The following SLIT3 variants were observed in gnomAD, a reference collection of about 807,000 sequenced individuals.
The protein encoded by SLIT3 is slit guidance ligand 3.
Under a neutral mutation model 184.0 loss-of-function variants are expected in SLIT3, and 68 were observed. The observed-to-expected ratio is 0.37, with a 90% CI of 0.30 to 0.45. SLIT3 has a LOEUF of 0.45. SLIT3 is among the 20% of genes least tolerant of loss of function. SLIT3 has a pLI of 1.00. For missense variants in SLIT3, 1,707 were observed against 2,026.0 expected (o/e 0.84, Z 3.02); for synonymous variants, 831 against 828.6 (o/e 1.00, Z -0.05).
chr5:169,009,484 A>T (rs1756058320), intron 4 of SLIT3, among the ~76,000 whole-genome samples: 1 of 152,232 alleles, frequency 6.6e-6, no homozygotes, highest in East Asian at 1.9e-4. Context: ...AACTGTCTGC[A>T]CCAGGCCCCC....
At chr5:169,069,137 G>A (rs768295487) in intron 4 of SLIT3, among the ~76,000 whole-genome samples, 6 of 152,174 alleles carry the variant, frequency 3.9e-5, no homozygotes, top group Non-Finnish European at 7.3e-5. Context: ...CCTTAGAGGT[G>A]ATAACAATGA....
intron 14 of SLIT3, among the ~76,000 whole-genome samples, chr5:168,769,818 C>G (rs572615446): frequency 2.6e-5 from 4 of 152,272 alleles, no homozygotes; most frequent in African/African-American, 9.6e-5. Flanking sequence ...CACAGTATGT[C>G]AGAAGTCCTG....
At chr5:169,257,066 A>C (rs750483142) in intron 1 of SLIT3, among the ~76,000 whole-genome samples, 4 of 152,114 alleles carry the variant, frequency 2.6e-5, no homozygotes, top group Non-Finnish European at 4.4e-5. Flanking sequence ...TATGAATGAT[A>C]ATCGTGGACA....
In SLIT3 at chr5:168,685,700, T is replaced by C; in HGVS notation, c.3542A>G (p.Asn1181Ser). ...LASAKVRPQANISLQVATDKD... is the reference protein window; with the variant it reads ...LASAKVRPQASISLQVATDKD... ...GGCGGGACACACCTGCAGGGAGATG[T>C]TGGCCTGGGGTCGGACCTTGGCGGA... The change falls in exon 31 of 36, where the codon AAC becomes AGC. Residue 1181 changes from asparagine (N) to serine (S), a missense_variant. Physicochemically the swap from Asn to Ser is conservative, Grantham distance 46 (BLOSUM62 1). Around this residue, in one of 3 missense-constraint regions of SLIT3, gnomAD observed 387 missense variants for 477.9 expected, o/e 0.81. Coordinates refer to ENST00000519560, the MANE Select transcript of SLIT3 (RefSeq NM_003062.4). 2 of 1,559,318 alleles carry C rather than the reference T, an allele frequency of 1.3e-6. No individual in the cohort carries two copies. Among genetic ancestry groups the C allele is most frequent in the Non-Finnish European group, 1.7e-6 (2 of 1,148,044 alleles).
chr5:169,156,460 C>T (rs1479078393), intron 4 of SLIT3, among the ~76,000 whole-genome samples: 3 of 152,328 alleles, frequency 2.0e-5, no homozygotes, highest in East Asian at 1.9e-4. Context: ...TCCTCGTGTT[C>T]GAGAAGCCTG....
chr5:168,831,443 C>T (rs919248749), intron 6 of SLIT3, among the ~76,000 whole-genome samples: 9 of 152,264 alleles, frequency 5.9e-5, no homozygotes, highest in South Asian at 2.1e-4. Context: ...TAAATTAAAG[C>T]TCATAACCAT....
chr5:168,961,219 C>T (rs1028541339), intron 4 of SLIT3, among the ~76,000 whole-genome samples: 1 of 152,136 alleles, frequency 6.6e-6, no homozygotes, highest in Non-Finnish European at 1.5e-5. Flanking sequence ...GGTAACAGGA[C>T]ATAATTACTA....
chr5:169,214,741 G>A (rs1270651253), intron 3 of SLIT3, among the ~76,000 whole-genome samples: 1 of 152,184 alleles, frequency 6.6e-6, no homozygotes, highest in East Asian at 1.9e-4. Flanking sequence ...CCAAAGGCAT[G>A]TTCACCATGG....
intron 4 of SLIT3, among the ~76,000 whole-genome samples, chr5:168,963,191 T>C (rs1297374227): frequency 2.0e-5 from 3 of 152,224 alleles, no homozygotes; most frequent in African/African-American, 4.8e-5. Context: ...CTTTTCGAAA[T>C]GGAGTCTCAC....
intron 16 of SLIT3, among the ~76,000 whole-genome samples, chr5:168,759,125 GA>G (rs1435437515): frequency 5.9e-5 from 9 of 152,114 alleles, no homozygotes; most frequent in Non-Finnish European, 1.2e-4. Context: ...TCTGGAATCT[GA>G]AACACTCCTG....
intron 16 of SLIT3, among the ~76,000 whole-genome samples, chr5:168,756,333 G>A (rs1308141636): frequency 2.0e-5 from 3 of 152,188 alleles, no homozygotes; most frequent in Admixed American, 2.0e-4. Flanking sequence ...ACAGAATTGG[G>A]GACTCAATGC....
At chr5:169,009,561 C>T (rs753016370) in intron 4 of SLIT3, among the ~76,000 whole-genome samples, 15 of 152,194 alleles carry the variant, frequency 9.9e-5, no homozygotes, top group Non-Finnish European at 1.8e-4. Flanking sequence ...TTTGGTCTGT[C>T]GTTATCACTG....
chr5:168,697,216 G>A (rs1187269675), intron 27 of SLIT3, among the ~76,000 whole-genome samples: 1 of 152,190 alleles, frequency 6.6e-6, no homozygotes, highest in Non-Finnish European at 1.5e-5. Context: ...AGAGTGGGAG[G>A]ATCCCTCGCC....
At chr5:168,712,154 T>C in intron 24 of SLIT3, 129 bp downstream of exon 24, 5 of 773,134 alleles carry the variant, frequency 6.5e-6, no homozygotes, top group East Asian at 2.5e-5. Context: ...TGTGGATACA[T>C]AGTTGTATAA....
At chr5:169,223,358 C>A (rs1461988830) in intron 3 of SLIT3, among the ~76,000 whole-genome samples, 1 of 152,206 alleles carries the variant, frequency 6.6e-6, no homozygotes, top group Admixed American at 6.5e-5. Context: ...GGGACCTTTC[C>A]TTTTGCTGGC....
intron 9 of SLIT3, among the ~76,000 whole-genome samples, chr5:168,804,397 G>A (rs895229647): frequency 1.3e-5 from 2 of 150,046 alleles, no homozygotes; most frequent in African/African-American, 4.9e-5. Context: ...TAGGAGGAAT[G>A]ATGGAAGGAG....
Position 168,950,416 on chromosome 5 carries a change from G to T in SLIT3, c.414-67080C>A, listed in dbSNP as rs116822975. Among the ~76,000 whole-genome samples, 668 of 152,322 alleles carry T rather than the reference G, an allele frequency of 4.4e-3. 8 individuals carry two copies. The highest frequency in any genetic ancestry group is 0.015 in the African/African-American group (624 of 41,560). ...CAAAACAAGCTCTGCATAGTCATAT[G>T]TGCATGTTAATATATAGAGCAGAGG... On this transcript the variant is annotated intron_variant, in intron 4 of 35. Transcript: ENST00000519560.
At chr5:169,010,504 T>C (rs1308592176) in intron 4 of SLIT3, among the ~76,000 whole-genome samples, 1 of 152,112 alleles carries the variant, frequency 6.6e-6, no homozygotes, top group South Asian at 2.1e-4. Flanking sequence ...CAGCCCTAGA[T>C]AGATCATGAA....
chr5:169,212,737 G>A lies in SLIT3; in HGVS notation c.342-19187C>T, dbSNP rs144802083. Among the ~76,000 whole-genome samples, 946 of 152,224 alleles carry A rather than the reference G, an allele frequency of 6.2e-3. 7 individuals are homozygous for A. Among genetic ancestry groups the A allele is most frequent in the Middle Eastern group, 0.024 (7 of 294 alleles). ...CATATTGCCTAAGTTTTCTTGCAGG[G>A]TTTTTATGGTTTTAGGTCTAATGTT... is the stretch of plus-strand genomic sequence containing the variant. On this transcript the variant is annotated intron_variant, in intron 3 of 35. Transcript: ENST00000519560.
Sources: gnomAD v4.1 joint callset for allele counts (sites outside exome capture counted in the v4.1 genomes callset) on GRCh38, gnomAD v4.1.1 for gene constraint, gnomAD v4.1.1 regional missense constraint, MANE v1.5 for transcripts, NCBI Gene and HGNC (gene_info 2026-07-23, HGNC 2026-07-21) for gene names.